ZEB2: variants seen among roughly 807,000 people sequenced by gnomAD.
ZEB2 encodes zinc finger E-box-binding homeobox 2.
A neutral mutation model predicts 99.9 loss-of-function variants in ZEB2; 6 were observed. That is an observed-to-expected ratio of 0.06 (90% confidence interval 0.03 to 0.12). The LOEUF (loss-of-function observed/expected upper bound fraction) is 0.12, where lower values mean the gene tolerates loss of function less well. ZEB2 is among the 10% of genes least tolerant of loss of function. ZEB2 has a pLI of 1.00. For missense variants in ZEB2, 969 were observed against 1,502.8 expected, an observed-to-expected ratio of 0.64 and a Z score of 5.87; for synonymous variants, 517 against 542.5, an observed-to-expected ratio of 0.95 and a Z score of 0.65.
At chr2:144,513,101 G>C (rs1705069076) in intron 2 of ZEB2, 1 of 1,286,526 alleles carries the variant, frequency 7.8e-7, no homozygotes, top group African/African-American at 1.5e-5. Context: ...AGGAGAGCTA[G>C]GAGGCACCTC....
chr2:144,403,483 T>C (rs1560608914), intron 6 of ZEB2, among the ~76,000 whole-genome samples: 1 of 152,040 alleles, frequency 6.6e-6, no homozygotes, highest in African/African-American at 2.4e-5. Context: ...TAATTGAAGG[T>C]GTTATATGAA....
chr2:144,390,537 G>C (rs1253204562), intron 9 of ZEB2: 1 of 216,350 alleles, frequency 4.6e-6, no homozygotes, highest in African/African-American at 2.4e-5. Flanking sequence ...AAACTGCCAA[G>C]TTAGGAGGGA....
chr2:144,390,193 A>G (rs1345518063), intron 9 of ZEB2, among the ~76,000 whole-genome samples, 165 bp from the exon 10 acceptor site: 1 of 152,188 alleles, frequency 6.6e-6, no homozygotes, highest in African/African-American at 2.4e-5. Flanking sequence ...ATGCATTTCC[A>G]TCCCACAATT....
Position 144,517,272 on chromosome 2 carries a change from T to C in ZEB2, c.73+6A>G. On this transcript the variant is annotated splice_donor_region_variant and intron_variant, in intron 2 of 9. Coordinates refer to ENST00000627532, the MANE Select transcript of ZEB2 (RefSeq NM_014795.4). The stretch of plus-strand genomic sequence containing the variant: ...CCGGAAAAGTTTGGTTCGGGCTGCT[T>C]CTTACCGTTTTTCCTCCTGGGATTG... 1 of 1,613,306 alleles carries C rather than the reference T, an allele frequency of 6.2e-7. No individual in the cohort carries two copies.
At chr2:144,401,074 G>T in intron 7 of ZEB2, 125 bp downstream of exon 7, 1 of 848,666 alleles carries the variant, frequency 1.2e-6, no homozygotes, top group Non-Finnish European at 2.0e-6. Flanking sequence ...GGCACACAGA[G>T]TTGATGAAAT....
At chr2:144,418,721 A>C (rs1573734551) in intron 4 of ZEB2, among the ~76,000 whole-genome samples, 1 of 150,986 alleles carries the variant, frequency 6.6e-6, no homozygotes, top group Non-Finnish European at 1.5e-5. Flanking sequence ...AAAAAAAAAA[A>C]CTGGCAAAAC....
At chr2:144,471,346 A>C (rs1033140340) in intron 2 of ZEB2, among the ~76,000 whole-genome samples, 1 of 152,040 alleles carries the variant, frequency 6.6e-6, no homozygotes, top group Non-Finnish European at 1.5e-5. Flanking sequence ...ACCTCAATGC[A>C]ACAAAAGGTT....
intron 3 of ZEB2, chr2:144,426,802 ATCTTTT>A (rs1703695967): frequency 6.6e-6 from 1 of 152,172 alleles, no homozygotes; most frequent in South Asian, 2.1e-4. Context: ...CTGAGCATCA[ATCTTTT>A]TCTTTTTTGA....
At chr2:144,403,622 TACA>T (rs1703342023) in intron 6 of ZEB2, among the ~76,000 whole-genome samples, 2 of 152,206 alleles carry the variant, frequency 1.3e-5, no homozygotes, top group African/African-American at 2.4e-5. Context: ...ATTAAAATGC[TACA>T]ATTTCATTCA....
At chr2:144,421,206 C>G (rs1703614592) in intron 4 of ZEB2, among the ~76,000 whole-genome samples, 1 of 152,154 alleles carries the variant, frequency 6.6e-6, no homozygotes, top group Admixed American at 6.5e-5. Flanking sequence ...TGATGGAGAC[C>G]ATTCCAGGAT....
At chr2:144,501,740 G>A (rs1704872902) in intron 2 of ZEB2, among the ~76,000 whole-genome samples, 1 of 152,128 alleles carries the variant, frequency 6.6e-6, no homozygotes, top group African/African-American at 2.4e-5. Context: ...TATATATTAA[G>A]TAAGAATCTG....
intron 2 of ZEB2, among the ~76,000 whole-genome samples, chr2:144,492,881 C>A (rs1325649560): frequency 1.3e-5 from 2 of 152,140 alleles, no homozygotes; most frequent in Non-Finnish European, 2.9e-5. Flanking sequence ...ATTCATTATA[C>A]CTTTGCTTTA....
chr2:144,518,008 C>A, intron 1 of ZEB2: 1 of 252,766 alleles, frequency 4.0e-6, no homozygotes, highest in Admixed American at 4.9e-5. Context: ...CCACCCTCGC[C>A]CCCAAATTAA....
At chr2:144,412,970 G>C (rs958704574) in intron 4 of ZEB2, among the ~76,000 whole-genome samples, 7 of 152,082 alleles carry the variant, frequency 4.6e-5, no homozygotes, top group Non-Finnish European at 8.8e-5. Flanking sequence ...CAAGGTTCAG[G>C]GTCCTTGGAC....
intron 2 of ZEB2, among the ~76,000 whole-genome samples, chr2:144,445,526 A>T (rs1232717152): frequency 6.6e-6 from 1 of 152,112 alleles, no homozygotes; most frequent in African/African-American, 2.4e-5. Flanking sequence ...TAAGCTGATT[A>T]CAGATACACA....
chr2:144,479,690 G>C (rs976245360), intron 2 of ZEB2, among the ~76,000 whole-genome samples: 8 of 109,576 alleles, frequency 7.3e-5, no homozygotes, highest in African/African-American at 2.3e-4. Flanking sequence ...TTTTGGGGGG[G>C]GGGGCGGGGG....
chr2:144,510,722 C>CTCTCTT (rs1553970820), intron 2 of ZEB2, among the ~76,000 whole-genome samples: 4 of 151,898 alleles, frequency 2.6e-5, no homozygotes, highest in South Asian at 2.1e-4. Context: ...CTCTCTTTCT[C>CTCTCTT]TCTCTCTTTC....
At position 144,441,164 on chromosome 2, in the gene ZEB2, C is replaced by CGAGAGAGAGAGAGAGAGAAAGA. The variant is rs1703911354; in HGVS notation, c.74-11139_74-11138insTCTTTCTCTCTCTCTCTCTCTC. 6.7e-5 allele frequency among the ~76,000 whole-genome samples: 6 copies of CGAGAGAGAGAGAGAGAGAAAGA among 88,924 alleles called. No individual in the cohort carries two copies. The Admixed American group carries it at 8.4e-4, about 12-fold the overall frequency. The allele number at this position is 88,924 out of a possible 152,430, so 58.3% of individuals were successfully genotyped here. A position where few individuals can be genotyped will look rare whatever the true frequency, so the allele number is the denominator to read the frequency against. On this transcript the variant is annotated intron_variant, in intron 2 of 9. Transcript: ENST00000627532. ...CCTTCCTTCTCTTCCTTTAGCTGCA[C>CGAGAGAGAGAGAGAGAGAAAGA]GAGAGAGAGAGAGAGAGAGAGAGAG...
At chr2:144,402,766 T>C (rs1283161863) in intron 6 of ZEB2, among the ~76,000 whole-genome samples, 1 of 152,176 alleles carries the variant, frequency 6.6e-6, no homozygotes, top group Non-Finnish European at 1.5e-5. Context: ...AACTGTTACA[T>C]AAGTGCAACT....
Sources: allele counts gnomAD v4.1 joint callset (sites outside exome capture counted in the v4.1 genomes callset), GRCh38; gene constraint gnomAD v4.1.1; transcripts MANE v1.5; gene names NCBI Gene and HGNC (gene_info 2026-07-23, HGNC 2026-07-21).